The following PRKG1 variants were observed in gnomAD, a reference collection of about 807,000 sequenced individuals.
PRKG1 encodes the protein cGMP-dependent protein kinase 1.
Under a neutral mutation model 88.1 loss-of-function variants are expected in PRKG1, and 35 were observed. The observed-to-expected ratio is 0.40, with a 90% CI of 0.30 to 0.53. PRKG1 has a LOEUF of 0.53. Among genes scored for constraint, PRKG1 ranks in the 20% least tolerant of loss-of-function variants. PRKG1 has a pLI of 0.59. For synonymous variants in PRKG1, 303 were observed against 292.5 expected (o/e 1.04, Z -0.37); for missense variants, 540 against 839.8 (o/e 0.64, Z 4.41).
chr10:51,795,376 T>C (rs1291775322), intron 3 of PRKG1, among the ~76,000 whole-genome samples: 2 of 152,136 alleles, frequency 1.3e-5, no homozygotes, highest in Admixed American at 6.6e-5. Flanking sequence ...ATCCTCTATA[T>C]GTCATTGAAA....
intron 3 of PRKG1, among the ~76,000 whole-genome samples, chr10:51,553,750 A>T (rs1837204964): frequency 1.5e-5 from 2 of 135,636 alleles, no homozygotes; most frequent in Non-Finnish European, 3.3e-5. Context: ...TAATATATGT[A>T]TATATTAGAT....
chr10:51,528,648 C>G (rs1475361487), intron 3 of PRKG1, among the ~76,000 whole-genome samples: 4 of 148,272 alleles, frequency 2.7e-5, no homozygotes, highest in Non-Finnish European at 5.9e-5. Flanking sequence ...TTTAAACAGG[C>G]ACAGCTATCC....
intron 9 of PRKG1, among the ~76,000 whole-genome samples, chr10:52,220,475 G>C (rs1371109211): frequency 1.3e-5 from 2 of 151,958 alleles, no homozygotes; most frequent in African/African-American, 4.8e-5. Flanking sequence ...AGGTAAACTT[G>C]TGTCATGGGG....
At chr10:52,246,014 T>C (rs1163173917) in intron 9 of PRKG1, among the ~76,000 whole-genome samples, 2 of 152,144 alleles carry the variant, frequency 1.3e-5, no homozygotes, top group Non-Finnish European at 2.9e-5. Flanking sequence ...ACTTCTGTTA[T>C]TGGAATGGCA....
At chr10:51,338,958 A>C (rs1841941572) in intron 2 of PRKG1, among the ~76,000 whole-genome samples, 1 of 152,168 alleles carries the variant, frequency 6.6e-6, no homozygotes, top group South Asian at 2.1e-4. Flanking sequence ...GAAATGACCA[A>C]CTTAATAATA....
At chr10:51,186,965 T>TAC (rs1336234816) in intron 2 of PRKG1, among the ~76,000 whole-genome samples, 13 of 145,432 alleles carry the variant, frequency 8.9e-5, no homozygotes, top group African/African-American at 3.3e-4. Context: ...TATATATATA[T>TAC]ATATATATAT....
intron 2 of PRKG1, among the ~76,000 whole-genome samples, chr10:51,333,372 T>A (rs1564450309): frequency 6.6e-6 from 1 of 152,222 alleles, no homozygotes; most frequent in African/African-American, 2.4e-5. Context: ...AACTTAGTAG[T>A]CTCTACAATA....
At chr10:51,498,560 T>C (rs1398309283) in intron 3 of PRKG1, among the ~76,000 whole-genome samples, 2 of 152,214 alleles carry the variant, frequency 1.3e-5, no homozygotes, top group Non-Finnish European at 2.9e-5. Context: ...AATGTATAGA[T>C]ACTTGGAAAT....
intron 2 of PRKG1, among the ~76,000 whole-genome samples, chr10:51,334,413 G>A (rs746052826): frequency 7.9e-5 from 12 of 152,060 alleles, no homozygotes; most frequent in Admixed American, 4.6e-4. Flanking sequence ...GGAAGAAACC[G>A]TGGCCTGGAA....
At chr10:51,230,138 G>T (rs1194852738) in intron 2 of PRKG1, among the ~76,000 whole-genome samples, 1 of 151,952 alleles carries the variant, frequency 6.6e-6, no homozygotes, top group Non-Finnish European at 1.5e-5. Flanking sequence ...GTAAATGAAA[G>T]AACATTTATT....
At chr10:51,736,826 G>A (rs1837293561) in intron 3 of PRKG1, among the ~76,000 whole-genome samples, 1 of 151,184 alleles carries the variant, frequency 6.6e-6, no homozygotes, top group Non-Finnish European at 1.5e-5. Flanking sequence ...TGTAGAGAAG[G>A]AGTCTCATTA....
chr10:51,732,956 G>A (rs1837158571), intron 3 of PRKG1, among the ~76,000 whole-genome samples: 1 of 152,098 alleles, frequency 6.6e-6, no homozygotes, highest in Non-Finnish European at 1.5e-5. Context: ...GTATGGTCCA[G>A]TTCTGGTGAG....
chr10:51,189,221 A>G (rs1837572580), intron 2 of PRKG1, among the ~76,000 whole-genome samples: 1 of 151,936 alleles, frequency 6.6e-6, no homozygotes, highest in Non-Finnish European at 1.5e-5. Context: ...TGGTACTCAT[A>G]GCAAACTGAA....
intron 3 of PRKG1, among the ~76,000 whole-genome samples, chr10:51,749,458 G>A (rs867261391): frequency 6.6e-6 from 1 of 152,094 alleles, no homozygotes; most frequent in Non-Finnish European, 1.5e-5. Context: ...GGAAAGGAAA[G>A]AGATCACTCT....
At chr10:51,072,718 A>G (rs1843849950), upstream of PRKG1, among the ~76,000 whole-genome samples, 1 of 152,178 alleles carries the variant, frequency 6.6e-6, no homozygotes, top group East Asian at 1.9e-4. Context: ...TTACTAGATC[A>G]TAATCTACAT....
At chr10:52,039,551 G>C (rs995914063) in intron 5 of PRKG1, among the ~76,000 whole-genome samples, 1 of 152,140 alleles carries the variant, frequency 6.6e-6, no homozygotes. Flanking sequence ...CTTGGGCTCA[G>C]AGGCCTGACA....
At chr10:51,478,943 T>A (rs7897505) in intron 3 of PRKG1, among the ~76,000 whole-genome samples, 117,285 of 151,994 alleles carry the variant, frequency 0.77, 45,524 homozygotes, top group East Asian at 0.99. Context: ...TTTGTCTATT[T>A]GTTTCATGAC....
rs142784154 is a variant in PRKG1 at position 52,157,306 on chromosome 10, G to GATATATATATAT, written c.1002-4562_1002-4551dup. The stretch of plus-strand genomic sequence containing the variant: ...TATATATATTGTGTGTGAGTTAGTT[G>GATATATATATAT]ATATATATATATATATATATATATA... On this transcript the variant is annotated intron_variant, in intron 8 of 17. Coordinates refer to ENST00000373980, the MANE Select transcript of PRKG1 (RefSeq NM_006258.4). Among the ~76,000 whole-genome samples, 155 of 125,878 alleles carry GATATATATATAT rather than the reference G, an allele frequency of 1.2e-3. 2 individuals carry two copies. The highest frequency in any genetic ancestry group is 4.2e-3 in the African/African-American group (146 of 34,774). The allele number at this position is 125,878 out of a possible 152,430, so 82.6% of individuals were successfully genotyped here. A position where few individuals can be genotyped will look rare whatever the true frequency, so the allele number is the denominator to read the frequency against.
At chr10:51,917,467 A>G (rs942844641) in intron 5 of PRKG1, among the ~76,000 whole-genome samples, 14 of 152,196 alleles carry the variant, frequency 9.2e-5, no homozygotes, top group African/African-American at 3.4e-4. Flanking sequence ...ATGTCTCACT[A>G]AAGCTGTTAT....
Sources: allele counts gnomAD v4.1 joint callset (sites outside exome capture counted in the v4.1 genomes callset), GRCh38; gene constraint gnomAD v4.1.1; transcripts MANE v1.5; gene names NCBI Gene and HGNC (gene_info 2026-07-23, HGNC 2026-07-21).